ATP10D: variants seen among roughly 807,000 people sequenced by gnomAD.
ATP10D encodes phospholipid-transporting ATPase VD.
In ATP10D, 89 loss-of-function variants were observed where a neutral mutation model predicts 144.8. The observed-to-expected ratio is 0.61, with a 90% CI of 0.52 to 0.73. The LOEUF is 0.73. Among genes scored for constraint, ATP10D ranks in the 30% least tolerant of loss-of-function variants. The pLI is 0.00. For synonymous variants in ATP10D, 571 were observed against 615.1 expected (o/e 0.93, Z 1.06); for missense variants, 1,603 against 1,714.8 (o/e 0.93, Z 1.15).
intron 3 of ATP10D, among the ~76,000 whole-genome samples, chr4:47,521,199 A>G (rs1716929141): frequency 1.3e-5 from 2 of 152,128 alleles, no homozygotes; most frequent in South Asian, 4.1e-4. Context: ...ATCTTTACTC[A>G]TGATCTCCAG....
At chr4:47,565,780 TATAA>T (rs1719604723) in intron 15 of ATP10D, among the ~76,000 whole-genome samples, 2 of 151,986 alleles carry the variant, frequency 1.3e-5, no homozygotes, top group South Asian at 4.1e-4. Flanking sequence ...CTTAAATTTA[TATAA>T]ATAAAAAAAT....
intron 22 of ATP10D, among the ~76,000 whole-genome samples, chr4:47,590,710 C>G (rs1264330505): frequency 6.6e-6 from 1 of 152,096 alleles, no homozygotes; most frequent in Non-Finnish European, 1.5e-5. Context: ...TGTCAACACT[C>G]TGCCTGCTTT....
At chr4:47,566,840 A>G (rs1719663358) in intron 15 of ATP10D, among the ~76,000 whole-genome samples, 1 of 152,174 alleles carries the variant, frequency 6.6e-6, no homozygotes, top group Non-Finnish European at 1.5e-5. Context: ...TTAATGATTC[A>G]TTAACGTTAA....
At position 47,502,666 on chromosome 4, in the gene ATP10D, CAT is replaced by C. The variant is rs200670412; in HGVS notation, c.-37-9834_-37-9833del. 4.2e-4 allele frequency among the ~76,000 whole-genome samples: 62 copies of C among 147,704 alleles called. No homozygotes were observed. In the East Asian group the frequency reaches 9.8e-3, roughly 23 times the overall value. ...ATATATGTATGTATGTAATATTACA[CAT>C]ATAAATATATATTAAATATACATAT... On this transcript the variant is annotated intron_variant, in intron 1 of 22. Transcript: ENST00000273859.
intron 22 of ATP10D, among the ~76,000 whole-genome samples, chr4:47,589,031 TA>T: frequency 6.6e-6 from 1 of 152,240 alleles, no homozygotes; most frequent in African/African-American, 2.4e-5. Flanking sequence ...ATCCTAAATG[TA>T]ACCACAAGTG....
At chr4:47,562,576 C>T (rs1719370940) in intron 14 of ATP10D, among the ~76,000 whole-genome samples, 3 of 152,124 alleles carry the variant, frequency 2.0e-5, no homozygotes, top group Admixed American at 2.0e-4. Flanking sequence ...AAAGGGAACG[C>T]TTATATACTG....
chr4:47,591,110 G>A lies in ATP10D; in HGVS notation c.4010G>A (p.Arg1337Lys). The A allele has an allele frequency of 1.9e-6, 3 of 1,613,218 alleles. No individual in the cohort carries two copies. The highest frequency in any genetic ancestry group is 2.7e-5 in the African/African-American group (2 of 74,958). The change falls in exon 23 of 23, where the codon AGA (arginine) becomes AAA (lysine). Residue 1337 changes from arginine (R) to lysine (K), a missense_variant. Transcript: ENST00000273859. The stretch of plus-strand genomic sequence containing the variant: ...ATTCTGAGAGCTAAGCACTTTGACA[G>A]ACTAACTCCAGAGGAGAGGACTAAA... ...SPILRAKHFD[R>K]LTPEERTKAL...
Position 47,593,203 on chromosome 4 carries a change from T to C in ATP10D, c.*1822T>C, listed in dbSNP as rs1721119131. 1 of 152,122 alleles carries C rather than the reference T, an allele frequency of 6.6e-6. No individual in the cohort carries two copies. The highest frequency in any genetic ancestry group is 2.1e-4 in the South Asian group (1 of 4,830). The allele number at this position is 152,122 out of a possible 1,614,324, so 9.4% of individuals were successfully genotyped here. On this transcript the variant is annotated 3_prime_UTR_variant, in exon 23 of 23. Coordinates refer to ENST00000273859, the MANE Select transcript of ATP10D (RefSeq NM_020453.4). ...TCAATTTTCAGAAATGAATTATCTG[T>C]ACATATGAATAGAGGAAAATACTGA...
At chr4:47,579,263 C>T (rs1320456187) in intron 19 of ATP10D, among the ~76,000 whole-genome samples, 6 of 152,132 alleles carry the variant, frequency 3.9e-5, no homozygotes, top group Admixed American at 2.0e-4. Context: ...TACATGAAAA[C>T]GTGTATGTGA....
intron 15 of ATP10D, among the ~76,000 whole-genome samples, chr4:47,567,807 A>G (rs1267063325): frequency 1.3e-5 from 2 of 152,200 alleles, no homozygotes; most frequent in East Asian, 3.8e-4. Context: ...GCACATGTCC[A>G]TATCTACTTC....
chr4:47,500,882 G>A (rs1039786316), intron 1 of ATP10D, among the ~76,000 whole-genome samples: 2 of 152,192 alleles, frequency 1.3e-5, no homozygotes, highest in African/African-American at 4.8e-5. Flanking sequence ...AAACAGTTGT[G>A]TATGAGAGTG....
chr4:47,514,969 T>TCA (rs1210924981), intron 2 of ATP10D, among the ~76,000 whole-genome samples: 4 of 152,128 alleles, frequency 2.6e-5, no homozygotes, highest in Non-Finnish European at 5.9e-5. Context: ...AAATAATATC[T>TCA]CACATTATTT....
intron 10 of ATP10D, among the ~76,000 whole-genome samples, chr4:47,551,850 A>G (rs1222003985): frequency 1.3e-5 from 2 of 152,226 alleles, no homozygotes; most frequent in Non-Finnish European, 2.9e-5. Context: ...AGAAACAGCT[A>G]TGGATACAGT....
Position 47,569,280 on chromosome 4 carries a change from CCCATCACCTATTTGAGCACCTTCCT to C in ATP10D, c.3163+158_3163+182del, listed in dbSNP as rs1200144960. The C allele has an allele frequency of 1.4e-4, 144 of 1,021,240 alleles. 2 individuals are homozygous for C. The highest frequency in any genetic ancestry group is 1.2e-3 in the South Asian group (70 of 59,546). The allele number at this position is 1,021,240 out of a possible 1,614,324, so 63.3% of individuals were successfully genotyped here. A position where few individuals can be genotyped will look rare whatever the true frequency, so the allele number is the denominator to read the frequency against. ...TTTTTCTCTACCACATTCATGCCTT[CCCATCACCTATTTGAGCACCTTCCT>C]CCATCACCTATTTGAGCACCTTCTG... On this transcript the variant is annotated intron_variant, in intron 16 of 22. Transcript: ENST00000273859.
chr4:47,587,677 C>A (rs988207830), intron 22 of ATP10D, among the ~76,000 whole-genome samples: 8 of 152,166 alleles, frequency 5.3e-5, no homozygotes, highest in Admixed American at 2.6e-4. Context: ...TTGAACACTG[C>A]ACCTTCAGAT....
At chr4:47,490,676 C>T (rs1233728756) in intron 1 of ATP10D, among the ~76,000 whole-genome samples, 1 of 152,216 alleles carries the variant, frequency 6.6e-6, no homozygotes, top group Non-Finnish European at 1.5e-5. Context: ...GTGGAGCCAG[C>T]ACGGGTGGTA....
At chr4:47,561,489 G>A (rs943378939) in intron 14 of ATP10D, among the ~76,000 whole-genome samples, 1 of 152,064 alleles carries the variant, frequency 6.6e-6, no homozygotes, top group African/African-American at 2.4e-5. Flanking sequence ...GAAATTTGGG[G>A]CACAGAGCAG....
At chr4:47,508,822 A>G (rs1227849849) in intron 1 of ATP10D, among the ~76,000 whole-genome samples, 2 of 152,204 alleles carry the variant, frequency 1.3e-5, no homozygotes, top group Non-Finnish European at 2.9e-5. Context: ...GTGCTTGCCG[A>G]CACTCTGATA....
chr4:47,512,593 G>T lies in ATP10D; in HGVS notation c.53G>T (p.Gly18Val). 6.2e-7 allele frequency: 1 copy of T among 1,614,132 alleles called. No individual in the cohort carries two copies. The highest frequency in any genetic ancestry group is 8.5e-7 in the Non-Finnish European group (1 of 1,180,014). ...ARYHWRRLIR[G>V]ATRDDDSGPY... ...TATCACTGGCGACGGCTGATCAGAG[G>T]TGCAACCAGGGATGATGATTCAGGG... is the stretch of plus-strand genomic sequence containing the variant. The change falls in exon 2 of 23, where the codon GGT becomes GTT. Residue 18 changes from glycine (G) to valine (V), a missense_variant. By Grantham distance (109) the Gly-to-Val change is moderately radical. Transcript: ENST00000273859.
Sources: gnomAD v4.1 joint callset for allele counts (sites outside exome capture counted in the v4.1 genomes callset) on GRCh38, gnomAD v4.1.1 for gene constraint, MANE v1.5 for transcripts, NCBI Gene and HGNC (gene_info 2026-07-23, HGNC 2026-07-21) for gene names.